DSE: variants seen among roughly 807,000 people sequenced by gnomAD.
The protein encoded by DSE is dermatan sulfate epimerase.
In DSE, 36 loss-of-function variants were observed where a neutral mutation model predicts 84.4. The ratio of observed to expected loss-of-function variants is 0.43; its 90% CI spans 0.33 to 0.56. The LOEUF is 0.56. Ranked by LOEUF, DSE falls within the 20% of genes least tolerant of loss-of-function variation. The probability of loss-of-function intolerance (pLI) is 0.06; values close to 1 mark genes in which losing one functional copy is unlikely to be tolerated. For missense variants in DSE, 862 were observed against 1,169.6 expected (o/e 0.74, Z 3.84); for synonymous variants, 410 against 430.1 (o/e 0.95, Z 0.58).
rs139921073 is a variant in DSE at position 116,399,656 on chromosome 6, C to T, written c.406C>T (p.Gln136Ter). ...AGACTACATGGAGAGGATGGCAGCG[C>T]AGCCTAGTTGGTAGATTTTTGTCTT... The part of the protein sequence containing the change: ...AKDYMERMAA[Q>*]PSWLVKDAPW... The change falls in exon 2 of 6, where the codon CAG (glutamine) becomes TAG (stop). Residue 136 changes from glutamine to a stop codon, truncating the protein, a stop_gained. Coordinates refer to ENST00000644252, the MANE Select transcript of DSE (RefSeq NM_013352.4). LOFTEE classifies it high-confidence loss of function. 1 of 1,612,602 alleles carries T rather than the reference C, an allele frequency of 6.2e-7. No homozygotes were observed. The highest frequency in any genetic ancestry group is 8.5e-7 in the Non-Finnish European group (1 of 1,178,906).
intron 2 of DSE, among the ~76,000 whole-genome samples, chr6:116,302,028 T>C (rs1213801870): frequency 2.0e-5 from 3 of 152,204 alleles, no homozygotes; most frequent in Admixed American, 6.5e-5. Context: ...CTTAATCCAG[T>C]CTATCATTGA....
intron 2 of DSE, among the ~76,000 whole-genome samples, chr6:116,414,782 A>G (rs1231048258): frequency 2.0e-5 from 3 of 152,220 alleles, no homozygotes; most frequent in African/African-American, 4.8e-5. Context: ...TGACTTTTCA[A>G]TGTGTGTACA....
At chr6:116,326,606 G>A (rs1776636770) in intron 2 of DSE, among the ~76,000 whole-genome samples, 1 of 152,214 alleles carries the variant, frequency 6.6e-6, no homozygotes, top group Non-Finnish European at 1.5e-5. Flanking sequence ...ACTCACTACA[G>A]TCCTACACTG....
At chr6:116,274,254 A>C (rs1351435655) in intron 2 of DSE, among the ~76,000 whole-genome samples, 4 of 152,106 alleles carry the variant, frequency 2.6e-5, no homozygotes, top group African/African-American at 9.7e-5. Flanking sequence ...CATCATGTAC[A>C]TTTGTAAACT....
At chr6:116,425,776 A>C (rs984996798) in intron 2 of DSE, among the ~76,000 whole-genome samples, 7 of 151,294 alleles carry the variant, frequency 4.6e-5, no homozygotes, top group Non-Finnish European at 8.9e-5. Context: ...GCGCCCGCCA[A>C]CACGCCCGGC....
chr6:116,428,190 A>C (rs568771335), intron 3 of DSE, among the ~76,000 whole-genome samples: 3 of 152,308 alleles, frequency 2.0e-5, no homozygotes, highest in African/African-American at 7.2e-5. Context: ...CTCAGCCTTA[A>C]AGAAATAAAT....
chr6:116,315,041 G>A (rs1019220358), intron 2 of DSE, among the ~76,000 whole-genome samples: 14 of 152,194 alleles, frequency 9.2e-5, no homozygotes, highest in Admixed American at 8.5e-4. Context: ...GTAGGAGGAA[G>A]TTGAGTGGGG....
intron 2 of DSE, among the ~76,000 whole-genome samples, chr6:116,261,568 C>T (rs562274340): frequency 6.6e-6 from 1 of 152,228 alleles, no homozygotes; most frequent in South Asian, 2.1e-4. Flanking sequence ...AGTTTGACTT[C>T]CTCTCTTTGG....
At chr6:116,428,998 T>C (rs1783632412) in intron 3 of DSE, among the ~76,000 whole-genome samples, 1 of 152,074 alleles carries the variant, frequency 6.6e-6, no homozygotes, top group Non-Finnish European at 1.5e-5. Context: ...CTGAAGAGGG[T>C]TGTTGTAAGG....
chr6:116,283,496 A>G (rs1441221227), intron 2 of DSE, among the ~76,000 whole-genome samples: 1 of 151,944 alleles, frequency 6.6e-6, no homozygotes, highest in Admixed American at 6.6e-5. Flanking sequence ...TTTATTCATC[A>G]TAGCATGGGG....
At chr6:116,403,745 G>A (rs1464476368) in intron 2 of DSE, among the ~76,000 whole-genome samples, 2 of 152,168 alleles carry the variant, frequency 1.3e-5, no homozygotes, top group Non-Finnish European at 2.9e-5. Flanking sequence ...TTACTCTGTA[G>A]AACTGACTAC....
At chr6:116,275,435 G>T (rs534722550) in intron 2 of DSE, among the ~76,000 whole-genome samples, 1 of 152,300 alleles carries the variant, frequency 6.6e-6, no homozygotes, top group African/African-American at 2.4e-5. Flanking sequence ...CTGAGAACTA[G>T]GTTATTTTGT....
chr6:116,279,952 T>TCAGGACTGGAGATCTCACGGTATCGC, intron 2 of DSE: 1 of 1,426,332 alleles, frequency 7.0e-7, no homozygotes, highest in East Asian at 2.3e-5. Context: ...GGCGGTGTCG[T>TCAGGACTGGAGATCTCACGGTATCGC]CAGGACTGGA....
intron 1 of DSE, chr6:116,255,711 C>G (rs1562185396): frequency 6.6e-6 from 1 of 152,124 alleles, no homozygotes; most frequent in Non-Finnish European, 1.5e-5. Flanking sequence ...GTTTCTTTTC[C>G]AAAGAACCTT....
intron 1 of DSE, among the ~76,000 whole-genome samples, chr6:116,382,825 G>A (rs149914272): frequency 2.4e-4 from 37 of 152,266 alleles, no homozygotes; most frequent in African/African-American, 8.9e-4. Context: ...ATTGAGGTAA[G>A]TGAACAAATA....
At chr6:116,320,941 CAAAGAAGGAGTGT>C (rs1776269318) in intron 2 of DSE, among the ~76,000 whole-genome samples, 1 of 152,068 alleles carries the variant, frequency 6.6e-6, no homozygotes, top group South Asian at 2.1e-4. Context: ...TAACAGAAGG[CAAAGAAGGAGTGT>C]ACTAAGGCGA....
chr6:116,278,868 G>C, intron 2 of DSE: 1 of 1,614,142 alleles, frequency 6.2e-7, no homozygotes, highest in South Asian at 1.1e-5. Context: ...AGAAGAACTT[G>C]AACTTGCAAC....
intron 1 of DSE, among the ~76,000 whole-genome samples, chr6:116,390,862 A>G (rs1780858916): frequency 6.6e-6 from 1 of 152,204 alleles, no homozygotes; most frequent in Non-Finnish European, 1.5e-5. Flanking sequence ...TGAAAATAAT[A>G]CAGATTTTAC....
At chr6:116,375,437 G>A (rs915216934) in intron 1 of DSE, 42 of 645,374 alleles carry the variant, frequency 6.5e-5, no homozygotes, top group Non-Finnish European at 7.1e-5. Flanking sequence ...CCAGGAGTTC[G>A]AGGCTGCAGT....
Sources: allele counts gnomAD v4.1 joint callset (sites outside exome capture counted in the v4.1 genomes callset), GRCh38; gene constraint gnomAD v4.1.1; transcripts MANE v1.5; gene names NCBI Gene and HGNC (gene_info 2026-07-23, HGNC 2026-07-21).